FER1L5: variants seen among roughly 807,000 people sequenced by gnomAD.
The protein encoded by FER1L5 is fer-1 like family member 5.
A neutral mutation model predicts 279.9 loss-of-function variants in FER1L5; 187 were observed. The observed-to-expected ratio is 0.67, with a 90% CI of 0.59 to 0.75. The LOEUF is 0.75. Ranked by LOEUF, FER1L5 falls within the 30% of genes least tolerant of loss-of-function variation. FER1L5 has a pLI of 0.00. For missense variants in FER1L5, 2,091 were observed against 2,594.4 expected (o/e 0.81, Z 4.21); for synonymous variants, 921 against 989.7 (o/e 0.93, Z 1.30).
intron 24 of FER1L5, among the ~76,000 whole-genome samples, chr2:96,688,317 A>G (rs2077012017): frequency 6.6e-6 from 1 of 152,140 alleles, no homozygotes; most frequent in South Asian, 2.1e-4. Context: ...GAAGTGAGCA[A>G]GGCTCTGACT....
chr2:96,692,018 G>GT, intron 30 of FER1L5, 55 bp downstream of exon 30: 2 of 1,453,316 alleles, frequency 1.4e-6, no homozygotes, highest in Non-Finnish European at 1.9e-6. Flanking sequence ...GTACCCGAGG[G>GT]CGGGGGGGGG....
At chr2:96,671,406 A>G (rs2076325359) in intron 18 of FER1L5, among the ~76,000 whole-genome samples, 1 of 152,230 alleles carries the variant, frequency 6.6e-6, no homozygotes, top group Non-Finnish European at 1.5e-5. Context: ...GGCCAGAGCC[A>G]GTGACCAACA....
In FER1L5 at chr2:96,664,772, A is replaced by G. The variant is rs1401140385; in HGVS notation, c.1140+1265A>G. 3.3e-5 allele frequency among the ~76,000 whole-genome samples: 5 copies of G among 152,228 alleles called. No homozygotes were observed. The East Asian group carries it at 5.8e-4, about 18-fold the overall frequency. ...GTCATACAACTGAACTTTCCAGAGA[A>G]CTTAAATGTGCCCTTTCACCCACAT... is the stretch of plus-strand genomic sequence containing the variant. On this transcript the variant is annotated intron_variant, in intron 14 of 52. Transcript: ENST00000624922.
chr2:96,687,668 T>G, intron 23 of FER1L5, 148 bp from the exon 24 acceptor site: 2 of 1,256,352 alleles, frequency 1.6e-6, no homozygotes, highest in African/African-American at 1.5e-5. Flanking sequence ...CTCCATGCCA[T>G]TCACTTACAG....
chr2:96,695,691 G>A (rs1327502227), intron 35 of FER1L5, 30 bp downstream of exon 35: 4 of 1,606,304 alleles, frequency 2.5e-6, no homozygotes, highest in Non-Finnish European at 3.4e-6. Context: ...GGGCTGGGCA[G>A]CCCTCTTCTT....
rs779947563 is a variant in FER1L5, at chr2:96,699,636, A to T, written c.4697A>T (p.Lys1566Met). The T allele has an allele frequency of 1.4e-5, 23 of 1,613,940 alleles. 1 individual carries two copies. In the South Asian group the frequency reaches 1.8e-4, roughly 12 times the overall value. ...YDFDLFSPDD[K>M]IGTTVIDLEN... is the part of the protein sequence containing the mutation. ...TTCGACCTATTTTCACCTGATGATAAGATAGGAACCACAGTCATCGACCTT... is the reference window on the plus strand; with the variant it reads ...TTCGACCTATTTTCACCTGATGATATGATAGGAACCACAGTCATCGACCTT... The change falls in exon 43 of 53, where the codon AAG (lysine) becomes ATG (methionine). Residue 1566 changes from lysine to methionine, a missense_variant. Transcript: ENST00000624922.
chr2:96,703,697 C>T, intron 51 of FER1L5, 65 bp downstream of exon 51: 1 of 1,447,332 alleles, frequency 6.9e-7, no homozygotes. Flanking sequence ...GGGTGGTGAC[C>T]AGTGGGCCTA....
intron 11 of FER1L5, 39 bp downstream of exon 11, chr2:96,661,479 C>T: frequency 6.5e-7 from 1 of 1,541,066 alleles, no homozygotes; most frequent in Non-Finnish European, 8.8e-7. Context: ...CCTATCCTGG[C>T]TGCCTCCTGG....
At chr2:96,669,621 C>A (rs566765680) in intron 17 of FER1L5, among the ~76,000 whole-genome samples, 3 of 152,298 alleles carry the variant, frequency 2.0e-5, no homozygotes, top group Admixed American at 2.0e-4. Flanking sequence ...GAACCACAGG[C>A]ATTGGTCCTC....
Position 96,698,099 on chromosome 2 carries a change from C to T in FER1L5, c.4299C>T (p.Thr1433=), listed in dbSNP as rs1204014547. The change falls in exon 40 of 53, where the codon ACC becomes ACT. Residue 1433 remains threonine (T), a synonymous_variant. Transcript: ENST00000624922. The surrounding 1 kb of genome is among the most constrained non-coding windows in gnomAD (Gnocchi z 5.5). ...AFQGLQDFCQ[T]FKLYQEQPKL... ...AGGGCCTGCAGGACTTCTGCCAGAC[C>T]TTCAAACTCTACCAGGAGCAGCCCA... 6.3e-7 allele frequency: 1 copy of T among 1,588,664 alleles called. No homozygotes were observed. The highest frequency in any genetic ancestry group is 1.8e-5 in the Admixed American group (1 of 56,286).
At chr2:96,699,249 C>A (rs2077499867) in intron 42 of FER1L5, 113 bp downstream of exon 42, 3 of 1,116,376 alleles carry the variant, frequency 2.7e-6, no homozygotes, top group Non-Finnish European at 3.9e-6. Flanking sequence ...CAAGTTCCCA[C>A]CACAGCGTCT....
rs926154283 is a variant in FER1L5 at position 96,694,197 on chromosome 2, G to A, written c.3636+125G>A. ...CCTGGGGCCCAGGATCCCGAGCTGTGGGCTTGGTGACGCTGGCCTGACCAG... is the reference window on the plus strand; with the variant it reads ...CCTGGGGCCCAGGATCCCGAGCTGTAGGCTTGGTGACGCTGGCCTGACCAG... On this transcript the variant is annotated intron_variant, in intron 33 of 52. Coordinates refer to ENST00000624922, the MANE Select transcript of FER1L5 (RefSeq NM_001293083.2). The surrounding 1 kb of genome is among the most constrained non-coding windows in gnomAD (Gnocchi z 4.6). The A allele has an allele frequency of 7.2e-7, 1 of 1,390,882 alleles. No individual in the cohort carries two copies. 86.2% of individuals were successfully genotyped at this position (1,390,882 alleles called of 1,614,324 possible).
At position 96,669,370 on chromosome 2, in the gene FER1L5, A is replaced by T. The variant is rs151286961; in HGVS notation, c.1362+233A>T. Among the ~76,000 whole-genome samples, 5 of 152,262 alleles carry T rather than the reference A, an allele frequency of 3.3e-5. No homozygotes were observed. The East Asian group carries it at 9.6e-4, about 29-fold the overall frequency. On this transcript the variant is annotated intron_variant, in intron 17 of 52. Transcript: ENST00000624922. ...TCCCTGAGGAAGGGGCTTTGAGAGG[A>T]GACCATGGTAAGATTTTCAGCAGGT...
chr2:96,680,954 G>A (rs557610091), intron 19 of FER1L5, among the ~76,000 whole-genome samples: 1 of 152,314 alleles, frequency 6.6e-6, no homozygotes, highest in South Asian at 2.1e-4. Flanking sequence ...ATAGTTCACT[G>A]CAGCCTTGAA....
chr2:96,690,377 G>A, intron 26 of FER1L5, 110 bp from the exon 27 acceptor site: 7 of 930,650 alleles, frequency 7.5e-6, no homozygotes, highest in South Asian at 6.1e-5. Context: ...GCCTGGAGTG[G>A]GAGGCTGCTG....
At chr2:96,679,191 T>G (rs757103375) in intron 19 of FER1L5, among the ~76,000 whole-genome samples, 8 of 151,928 alleles carry the variant, frequency 5.3e-5, no homozygotes, top group Non-Finnish European at 8.8e-5. Flanking sequence ...CAGAAATTTT[T>G]TAAAAAATTA....
chr2:96,691,087 G>A lies in FER1L5; in HGVS notation c.2744-103G>A. 7.3e-7 allele frequency: 1 copy of A among 1,362,994 alleles called. No homozygotes were observed. Among genetic ancestry groups the A allele is most frequent in the South Asian group, 1.5e-5 (1 of 66,638 alleles). The allele number at this position is 1,362,994 out of a possible 1,614,324, so 84.4% of individuals were successfully genotyped here. ...ACACCTCAGGGCCAGAGACCTGGAT[G>A]TGAGGGAAGTAATGCCCCTCTAGGG... On this transcript the variant is annotated intron_variant, in intron 27 of 52. Transcript: ENST00000624922. This position sits in a 1 kb window ranked among gnomAD's most constrained non-coding sequence, Gnocchi z 6.0.
chr2:96,697,994 CG>C (rs2077446484), intron 39 of FER1L5, 42 bp from the exon 40 acceptor site: 1 of 1,536,544 alleles, frequency 6.5e-7, no homozygotes, highest in Non-Finnish European at 8.8e-7. Flanking sequence ...CTCCTAATCA[CG>C]GGAACAGTCT....
intron 15 of FER1L5, 39 bp downstream of exon 15, chr2:96,668,833 A>G (rs1207146394): frequency 1.3e-6 from 2 of 1,551,646 alleles, no homozygotes; most frequent in Non-Finnish European, 1.7e-6. Context: ...ACAGGGAAGG[A>G]AGAAATGAGA....
Sources: allele counts gnomAD v4.1 joint callset (sites outside exome capture counted in the v4.1 genomes callset), GRCh38; gene constraint gnomAD v4.1.1; non-coding constraint Gnocchi (gnomAD v3.1); transcripts MANE v1.5; gene names NCBI Gene and HGNC (gene_info 2026-07-23, HGNC 2026-07-21).